PDE1C: variants seen among roughly 807,000 people sequenced by gnomAD.
The protein encoded by PDE1C is phosphodiesterase 1C.
Under a neutral mutation model 93.1 loss-of-function variants are expected in PDE1C, and 62 were observed. The observed-to-expected ratio is 0.67, with a 90% CI of 0.54 to 0.82. PDE1C has a LOEUF of 0.82. PDE1C is among the 40% of genes least tolerant of loss of function. The pLI is 0.00. For missense variants in PDE1C, 742 were observed against 884.6 expected, an observed-to-expected ratio of 0.84 and a Z score of 2.04; for synonymous variants, 325 against 310.1, an observed-to-expected ratio of 1.05 and a Z score of -0.50.
chr7:31,661,202 T>G, the PDE1C span, among the ~76,000 whole-genome samples: 1 of 152,164 alleles, frequency 6.6e-6, no homozygotes, highest in Admixed American at 6.6e-5. Context: ...GATGCCTATT[T>G]TGAGCATCCA....
chr7:32,189,682 G>T (rs1001080156), intron 2 of PDE1C, among the ~76,000 whole-genome samples: 6 of 152,080 alleles, frequency 3.9e-5, no homozygotes, highest in African/African-American at 1.4e-4. Flanking sequence ...TGTTTAAATG[G>T]GATATGCACT....
intron 16 of PDE1C, among the ~76,000 whole-genome samples, chr7:31,793,599 GA>G (rs1784827572): frequency 6.7e-6 from 1 of 149,112 alleles, no homozygotes; most frequent in African/African-American, 2.5e-5. Flanking sequence ...AAAAACGAAT[GA>G]AGAATAAGTG....
chr7:32,199,229 A>G (rs971934386), intron 2 of PDE1C, among the ~76,000 whole-genome samples: 1 of 151,880 alleles, frequency 6.6e-6, no homozygotes, highest in Admixed American at 6.6e-5. Flanking sequence ...CATCGTCTAT[A>G]CTGTTCTGCA....
At chr7:32,124,537 G>A (rs561645768) in intron 3 of PDE1C, among the ~76,000 whole-genome samples, 14 of 152,072 alleles carry the variant, frequency 9.2e-5, no homozygotes, top group Non-Finnish European at 1.9e-4. Context: ...CAGAGACGTC[G>A]GAAATACACC....
At chr7:32,329,353 G>A (rs6462356) in intron 1 of PDE1C, among the ~76,000 whole-genome samples, 4,614 of 152,258 alleles carry the variant, frequency 0.03, 131 homozygotes, top group African/African-American at 0.074. Flanking sequence ...ATACATCAAC[G>A]TAGCCATTGT....
chr7:31,962,339 G>A (rs1220986451), intron 2 of PDE1C, among the ~76,000 whole-genome samples: 2 of 152,198 alleles, frequency 1.3e-5, no homozygotes. Flanking sequence ...GCACAGAAAA[G>A]TGAGTCCTTT....
intron 17 of PDE1C, among the ~76,000 whole-genome samples, chr7:31,772,705 A>G (rs925194368): frequency 6.6e-6 from 1 of 152,240 alleles, no homozygotes; most frequent in East Asian, 1.9e-4. Flanking sequence ...ACTGAATTGG[A>G]TCAGCTTACA....
chr7:31,968,284 C>T lies in PDE1C; in HGVS notation c.128+83270G>A, dbSNP rs1810349360. Among the ~76,000 whole-genome samples, 4 of 152,082 alleles carry T rather than the reference C, an allele frequency of 2.6e-5. No individual in the cohort carries two copies. The South Asian group carries it at 8.3e-4, about 31-fold the overall frequency. ...AGTCTCAGGATACAAAATCAATGTGCAAAAATCACAAGCATTCTTACACAC... is the reference window on the plus strand; with the variant it reads ...AGTCTCAGGATACAAAATCAATGTGTAAAAATCACAAGCATTCTTACACAC... On this transcript the variant is annotated intron_variant, in intron 2 of 17. Transcript: ENST00000396191.
chr7:32,231,988 C>T (rs1190634442), intron 1 of PDE1C, among the ~76,000 whole-genome samples: 1 of 142,244 alleles, frequency 7.0e-6, no homozygotes, highest in East Asian at 2.1e-4. Context: ...CACACACACA[C>T]ACACACACAT....
In PDE1C at chr7:31,848,452, T is replaced by C. The variant is rs376378278; in HGVS notation, c.852-356A>G. ...TTTTCTGGAATGACATTTATTTTTA[T>C]TTTTATTTTATTCAATGAATGCACT... On this transcript the variant is annotated intron_variant, in intron 8 of 17. Coordinates refer to ENST00000396191, the MANE Select transcript of PDE1C (RefSeq NM_001191057.4). 3.3e-5 allele frequency among the ~76,000 whole-genome samples: 5 copies of C among 152,228 alleles called. 1 individual carries two copies. The highest frequency in any genetic ancestry group is 6.6e-5 in the Admixed American group (1 of 15,260).
At position 32,077,986 on chromosome 7, in the gene PDE1C, T is replaced by C. The variant is rs148834512; in HGVS notation, c.308+91799A>G. 4.5e-4 allele frequency: 439 copies of C among 985,462 alleles called. 2 individuals carry two copies. In the African/African-American group the frequency reaches 6.8e-3, roughly 15 times the overall value. 61.0% of individuals were successfully genotyped at this position (985,462 alleles called of 1,614,324 possible). A position where few individuals can be genotyped will look rare whatever the true frequency, so the allele number is the denominator to read the frequency against. On this transcript the variant is annotated intron_variant, in intron 3 of 18. Coordinates refer to the PDE1C transcript ENST00000396193. Reference sequence around the variant, plus strand: ...AAGACAGTGCAGGCCTCCTGACTTCTGGCTCCGTGGACATTCTGCCTCTCA... The same window carrying C: ...AAGACAGTGCAGGCCTCCTGACTTCCGGCTCCGTGGACATTCTGCCTCTCA...
intron 1 of PDE1C, among the ~76,000 whole-genome samples, chr7:32,372,606 C>T (rs1161552850): frequency 6.6e-6 from 1 of 151,804 alleles, no homozygotes; most frequent in African/African-American, 2.4e-5. Context: ...AAACAACCCA[C>T]AAAAGGAAAA....
intron 3 of PDE1C, among the ~76,000 whole-genome samples, chr7:32,123,393 G>A (rs1281104740): frequency 2.7e-5 from 4 of 149,550 alleles, no homozygotes; most frequent in Non-Finnish European, 4.5e-5. Context: ...CCAAAACCTG[G>A]CAGAGACACA....
rs1033357578 is a variant in PDE1C, at chr7:32,269,049, T to C, written c.85+29602A>G. On this transcript the variant is annotated intron_variant, in intron 1 of 18. Coordinates refer to the PDE1C transcript ENST00000396193. Reference sequence around the variant, plus strand: ...ACTCAAGTCGCTCAAACTGAATTCATGTTGTCACAACAGCTGTGGCAGTAG... The same window carrying C: ...ACTCAAGTCGCTCAAACTGAATTCACGTTGTCACAACAGCTGTGGCAGTAG... Among the ~76,000 whole-genome samples, 26 of 152,238 alleles carry C rather than the reference T, an allele frequency of 1.7e-4. 1 individual carries two copies. The highest frequency in any genetic ancestry group is 1.4e-3 in the Admixed American group (21 of 15,288).
chr7:32,162,819 C>T (rs1283785032), intron 3 of PDE1C, among the ~76,000 whole-genome samples: 2 of 152,172 alleles, frequency 1.3e-5, no homozygotes, highest in South Asian at 2.1e-4. Context: ...GGTATATTCT[C>T]ATGGCCACCA....
chr7:32,220,104 C>CTT (rs10691851), intron 1 of PDE1C, among the ~76,000 whole-genome samples: 18,924 of 148,278 alleles, frequency 0.13, 1,252 homozygotes, highest in East Asian at 0.23. Context: ...CCTTAAACCT[C>CTT]TTTTTTTTTT....
intron 2 of PDE1C, among the ~76,000 whole-genome samples, chr7:32,039,978 C>A (rs1791597588): frequency 6.6e-6 from 1 of 152,168 alleles, no homozygotes; most frequent in Admixed American, 6.5e-5. Flanking sequence ...ATATAAGCCA[C>A]ACAATATTAA....
At chr7:32,201,352 C>T (rs933381524) in intron 2 of PDE1C, among the ~76,000 whole-genome samples, 6 of 152,168 alleles carry the variant, frequency 3.9e-5, no homozygotes, top group Non-Finnish European at 7.3e-5. Context: ...CAAGTCACGT[C>T]TTCCTTGCCC....
intron 2 of PDE1C, among the ~76,000 whole-genome samples, chr7:32,184,868 T>C (rs1482518454): frequency 6.6e-6 from 1 of 152,122 alleles, no homozygotes; most frequent in Admixed American, 6.5e-5. Context: ...TCCCAACACT[T>C]TGGGAGGCTG....
Sources: gnomAD v4.1 joint callset for allele counts (sites outside exome capture counted in the v4.1 genomes callset) on GRCh38, gnomAD v4.1.1 for gene constraint, MANE v1.5 for transcripts, NCBI Gene and HGNC (gene_info 2026-07-23, HGNC 2026-07-21) for gene names.